The following DYM variants were observed in gnomAD, a reference collection of about 807,000 sequenced individuals.
DYM encodes dyggve-Melchior-Clausen syndrome protein.
Under a neutral mutation model 93.1 loss-of-function variants are expected in DYM, and 78 were observed. The observed-to-expected ratio is 0.84, with a 90% CI of 0.70 to 1.01. The LOEUF (loss-of-function observed/expected upper bound fraction) is 1.01, where lower values mean the gene tolerates loss of function less well. Ranked by LOEUF, DYM falls within the 50% of genes least tolerant of loss-of-function variation. The pLI, the probability that DYM is intolerant of heterozygous loss-of-function variation, is 0.00. For synonymous variants in DYM, 321 were observed against 319.7 expected (o/e 1.00, Z -0.04); for missense variants, 789 against 845.0 (o/e 0.93, Z 0.82).
chr18:49,145,561 A>T (rs115726665), intron 15 of DYM, among the ~76,000 whole-genome samples: 2,761 of 152,032 alleles, frequency 0.018, 87 homozygotes, highest in African/African-American at 0.063. Flanking sequence ...ACTGTTTAAC[A>T]ATTTTTTCTA....
At chr18:49,159,578 T>C (rs916583164) in intron 15 of DYM, among the ~76,000 whole-genome samples, 1 of 152,184 alleles carries the variant, frequency 6.6e-6, no homozygotes, top group Admixed American at 6.5e-5. Flanking sequence ...TTTAGAAAGT[T>C]ACAGTTTAGA....
chr18:49,301,076 G>C (rs1187603026), intron 8 of DYM, among the ~76,000 whole-genome samples: 2 of 152,088 alleles, frequency 1.3e-5, no homozygotes, highest in Non-Finnish European at 2.9e-5. Flanking sequence ...TAAAATCTTT[G>C]AAAGAAAGGG....
In DYM at chr18:49,451,704, A is replaced by G. The variant is rs530985708; in HGVS notation, c.-54+8694T>C. 1.1e-4 allele frequency among the ~76,000 whole-genome samples: 16 copies of G among 152,362 alleles called. No individual in the cohort carries two copies. In the East Asian group the frequency reaches 3.1e-3, roughly 29 times the overall value. On this transcript the variant is annotated intron_variant, in intron 1 of 17. Coordinates refer to ENST00000675505, the MANE Select transcript of DYM (RefSeq NM_001353214.3). ...TTATGCAAATAACAAGGCCAAATATAAGACTAAGGTTTATTCTACAAACAA... is the reference window on the plus strand; with the variant it reads ...TTATGCAAATAACAAGGCCAAATATGAGACTAAGGTTTATTCTACAAACAA...
At chr18:49,439,528 T>C (rs1399232741) in intron 1 of DYM, among the ~76,000 whole-genome samples, 3 of 152,146 alleles carry the variant, frequency 2.0e-5, no homozygotes, top group African/African-American at 7.2e-5. Context: ...TTCTTCCTTA[T>C]CCCTAATCAA....
chr18:49,106,520 G>C (rs995881588), intron 16 of DYM, among the ~76,000 whole-genome samples: 12 of 152,300 alleles, frequency 7.9e-5, no homozygotes, highest in Non-Finnish European at 1.8e-4. Context: ...TTACAATTTG[G>C]CAAGTTTTTG....
intron 3 of DYM, among the ~76,000 whole-genome samples, chr18:49,386,807 A>AT (rs938284956): frequency 2.6e-5 from 4 of 152,084 alleles, no homozygotes; most frequent in African/African-American, 9.7e-5. Flanking sequence ...AAGACATGGC[A>AT]TTTTTTACAA....
chr18:49,231,380 A>G (rs2093689447), intron 13 of DYM, among the ~76,000 whole-genome samples: 1 of 152,178 alleles, frequency 6.6e-6, no homozygotes, highest in Admixed American at 6.5e-5. Flanking sequence ...ACGAGAACAA[A>G]ACACAGAACC....
chr18:49,137,839 A>G lies in DYM; in HGVS notation c.1729-18913T>C, dbSNP rs191960590. Among the ~76,000 whole-genome samples the G allele has an allele frequency of 2.0e-4, 31 of 152,326 alleles. 1 individual carries two copies. The highest frequency in any genetic ancestry group is 7.0e-4 in the African/African-American group (29 of 41,574). On this transcript the variant is annotated intron_variant, in intron 15 of 17. Transcript: ENST00000675505. ...CAACAGAAAGTGTTTTGTAGTGAAC[A>G]CAACTCATTTAACCTTGGGAAGCGC... is the stretch of plus-strand genomic sequence containing the variant.
chr18:49,391,200 A>C (rs534268338), intron 3 of DYM, among the ~76,000 whole-genome samples: 151 of 152,376 alleles, frequency 9.9e-4, no homozygotes, highest in South Asian at 2.9e-3. Flanking sequence ...TCTGGATTCC[A>C]TGCTCTTTGC....
chr18:49,343,571 C>T (rs193130511), intron 6 of DYM, among the ~76,000 whole-genome samples: 68 of 152,274 alleles, frequency 4.5e-4, no homozygotes, highest in African/African-American at 1.5e-3. Context: ...CTATCCCACT[C>T]GCAACTAGAA....
At chr18:49,365,036 G>A (rs12606515) in intron 5 of DYM, among the ~76,000 whole-genome samples, 3 of 152,000 alleles carry the variant, frequency 2.0e-5, no homozygotes, top group African/African-American at 7.2e-5. Flanking sequence ...TACTTCTAGA[G>A]GATGATGACT....
intron 8 of DYM, among the ~76,000 whole-genome samples, chr18:49,325,396 C>A (rs147008652): frequency 7.7e-4 from 118 of 152,340 alleles, no homozygotes; most frequent in African/African-American, 2.8e-3. Flanking sequence ...CAGAAACACT[C>A]TGCTCTCCAC....
At chr18:49,386,596 TA>T (rs2068649147) in intron 3 of DYM, among the ~76,000 whole-genome samples, 1 of 152,054 alleles carries the variant, frequency 6.6e-6, no homozygotes, top group South Asian at 2.1e-4. Context: ...TCAAAAGGCA[TA>T]AAAAATGTGG....
At chr18:49,175,502 C>T (rs1327433843) in intron 14 of DYM, among the ~76,000 whole-genome samples, 1 of 152,144 alleles carries the variant, frequency 6.6e-6, no homozygotes, top group African/African-American at 2.4e-5. Flanking sequence ...ATTTAATTGC[C>T]TTACTAACCA....
At chr18:49,294,682 G>C (rs367890769) in intron 8 of DYM, among the ~76,000 whole-genome samples, 2 of 152,098 alleles carry the variant, frequency 1.3e-5, no homozygotes, top group South Asian at 2.1e-4. Context: ...GAATGAAATA[G>C]AGGTAAGTTA....
At chr18:49,447,261 A>G (rs17725438) in intron 1 of DYM, 13,945 of 152,080 alleles carry the variant, frequency 0.092, 862 homozygotes, top group East Asian at 0.31. Flanking sequence ...AGCATAAGAG[A>G]CCAGAAAGTA....
intron 17 of DYM, among the ~76,000 whole-genome samples, chr18:49,085,626 T>TTTTTTTTTTTC (rs2078445415): frequency 6.7e-6 from 1 of 149,386 alleles, no homozygotes; most frequent in African/African-American, 2.5e-5. Context: ...TTTTTTTTTT[T>TTTTTTTTTTTC]TGATGGAGTC....
intron 13 of DYM, among the ~76,000 whole-genome samples, chr18:49,213,832 G>C (rs1198850782): frequency 6.6e-6 from 1 of 151,780 alleles, no homozygotes; most frequent in Non-Finnish European, 1.5e-5. Flanking sequence ...ACATGTTTAT[G>C]GCCTATATAA....
intron 13 of DYM, among the ~76,000 whole-genome samples, chr18:49,242,902 G>C (rs183718433): frequency 6.6e-5 from 10 of 152,118 alleles, no homozygotes; most frequent in Non-Finnish European, 7.4e-5. Flanking sequence ...GGGTTTCACC[G>C]TATTAGCCAG....
Sources: gnomAD v4.1 joint callset for allele counts (sites outside exome capture counted in the v4.1 genomes callset) on GRCh38, gnomAD v4.1.1 for gene constraint, MANE v1.5 for transcripts, NCBI Gene and HGNC (gene_info 2026-07-23, HGNC 2026-07-21) for gene names.